The following ELP4 variants were observed in gnomAD, a reference collection of about 807,000 sequenced individuals.
The protein encoded by ELP4 is elongator complex protein 4.
In ELP4, 51 loss-of-function variants were observed where a neutral mutation model predicts 48.9. The observed-to-expected ratio is 1.04, with a 90% CI of 0.83 to 1.32. The LOEUF (loss-of-function observed/expected upper bound fraction) is 1.32. Ranked by LOEUF, ELP4 falls within the 40% of genes most tolerant of loss-of-function variation. The pLI is 0.00. For synonymous variants in ELP4, 210 were observed against 189.2 expected, an observed-to-expected ratio of 1.11 and a Z score of -0.90; for missense variants, 519 against 514.6, an observed-to-expected ratio of 1.01 and a Z score of -0.08.
At chr11:31,564,812 T>C (rs1391520331) in intron 3 of ELP4, among the ~76,000 whole-genome samples, 1 of 152,212 alleles carries the variant, frequency 6.6e-6, no homozygotes, top group Non-Finnish European at 1.5e-5. Context: ...AAGTCTTTGC[T>C]ATTGTGAATA....
At chr11:31,733,836 G>T (rs1250200433) in intron 9 of ELP4, among the ~76,000 whole-genome samples, 1 of 152,136 alleles carries the variant, frequency 6.6e-6, no homozygotes, top group African/African-American at 2.4e-5. Context: ...AAAAATTGAA[G>T]AGTAGGGAAC....
intron 9 of ELP4, among the ~76,000 whole-genome samples, chr11:31,703,271 A>T (rs1211234751): frequency 6.6e-6 from 1 of 152,132 alleles, no homozygotes; most frequent in Admixed American, 6.5e-5. Context: ...GGGGTGCAGC[A>T]TGCCAGTGTT....
At chr11:31,653,401 A>T (rs904947643) in intron 9 of ELP4, 1 of 151,738 alleles carries the variant, frequency 6.6e-6, no homozygotes, top group Non-Finnish European at 1.5e-5. Flanking sequence ...CTTGATCTTA[A>T]CCAGATCGAA....
At chr11:31,530,160 G>C (rs2133891884) in intron 2 of ELP4, among the ~76,000 whole-genome samples, 1 of 152,306 alleles carries the variant, frequency 6.6e-6, no homozygotes, top group African/African-American at 2.4e-5. Flanking sequence ...ACAAGCCTTA[G>C]TGGAAAATGT....
intron 9 of ELP4, among the ~76,000 whole-genome samples, chr11:31,698,223 A>C (rs1946450629): frequency 6.6e-6 from 1 of 152,210 alleles, no homozygotes; most frequent in South Asian, 2.1e-4. Flanking sequence ...GATAAATTTT[A>C]GTCATATAAG....
intron 8 of ELP4, chr11:31,649,258 C>A (rs1054194219): frequency 3.9e-4 from 59 of 151,726 alleles, no homozygotes; most frequent in African/African-American, 1.4e-3. Flanking sequence ...TCTCTTTGTT[C>A]AAATCTGTAA....
At chr11:31,783,017 A>G (rs1948414235) in intron 9 of ELP4, among the ~76,000 whole-genome samples, 1 of 152,222 alleles carries the variant, frequency 6.6e-6, no homozygotes, top group African/African-American at 2.4e-5. Flanking sequence ...AAAATAAAAC[A>G]AAGCCAAAAA....
At chr11:31,726,417 C>T (rs1947076555) in intron 9 of ELP4, among the ~76,000 whole-genome samples, 1 of 152,046 alleles carries the variant, frequency 6.6e-6, no homozygotes, top group African/African-American at 2.4e-5. Flanking sequence ...CAGGGGAACA[C>T]ATGAAAAGGG....
intron 3 of ELP4, among the ~76,000 whole-genome samples, chr11:31,571,771 G>T (rs1218203532): frequency 6.6e-6 from 1 of 152,168 alleles, no homozygotes; most frequent in Non-Finnish European, 1.5e-5. Context: ...GGGTGACCAG[G>T]TGCACTGTCA....
At chr11:31,566,984 A>C (rs895065127) in intron 3 of ELP4, among the ~76,000 whole-genome samples, 2 of 152,066 alleles carry the variant, frequency 1.3e-5, no homozygotes, top group Admixed American at 6.5e-5. Context: ...TTTTCACAAG[A>C]TACTGTTCTC....
At chr11:31,758,938 A>G (rs937955126) in intron 9 of ELP4, among the ~76,000 whole-genome samples, 20 of 152,142 alleles carry the variant, frequency 1.3e-4, no homozygotes, top group Non-Finnish European at 2.6e-4. Context: ...TTTTTAATAG[A>G]AAATTTTTAA....
chr11:31,694,604 C>T (rs1321947595), intron 9 of ELP4, among the ~76,000 whole-genome samples: 1 of 152,166 alleles, frequency 6.6e-6, no homozygotes. Flanking sequence ...CGATATGCCT[C>T]TGGCTTTGTT....
chr11:31,613,073 G>T (rs1191259272), intron 5 of ELP4, among the ~76,000 whole-genome samples: 2 of 152,084 alleles, frequency 1.3e-5, no homozygotes, highest in Non-Finnish European at 2.9e-5. Context: ...CTTTTATTAG[G>T]GTCTAAGGCT....
chr11:31,754,419 C>T (rs1947790829), intron 9 of ELP4, among the ~76,000 whole-genome samples: 1 of 152,114 alleles, frequency 6.6e-6, no homozygotes, highest in Non-Finnish European at 1.5e-5. Flanking sequence ...TGCTTGCCAA[C>T]CATGTTCTTA....
At position 31,644,799 on chromosome 11, in the gene ELP4, T is replaced by TTTTAAC. The variant is rs1945169182; in HGVS notation, c.928-2938_928-2933dup. 2.0e-5 allele frequency among the ~76,000 whole-genome samples: 3 copies of TTTTAAC among 151,892 alleles called. No individual in the cohort carries two copies. The East Asian group carries it at 5.8e-4, about 29-fold the overall frequency. Reference sequence around the variant, plus strand: ...GTGCAGAAGTAATCTATAACAATTTTTTTAACTTTTTAAAACACATACGTT... The same window carrying TTTTAAC: ...GTGCAGAAGTAATCTATAACAATTTTTTTAACTTTAACTTTTTAAAACACATACGTT... On this transcript the variant is annotated intron_variant, in intron 7 of 9. Transcript: ENST00000640961.
At chr11:31,780,733 A>G (rs1592306569) in intron 9 of ELP4, 1 of 152,246 alleles carries the variant, frequency 6.6e-6, no homozygotes, top group Non-Finnish European at 1.5e-5. Context: ...AGAGGCCAAG[A>G]AATGCTGAGC....
intron 9 of ELP4, chr11:31,763,677 A>T (rs1439697728): frequency 1.0e-6 from 1 of 1,003,188 alleles, no homozygotes; most frequent in Non-Finnish European, 1.4e-6. Context: ...CTTTTTACCA[A>T]AGATTAAACT....
At chr11:31,511,268 A>C (rs2133864689) in intron 1 of ELP4, 1 of 152,316 alleles carries the variant, frequency 6.6e-6, no homozygotes, top group African/African-American at 2.4e-5. Flanking sequence ...TGTGAGCCTC[A>C]GTTGATATCC....
chr11:31,624,181 C>A (rs772097108), intron 5 of ELP4, among the ~76,000 whole-genome samples: 6 of 151,754 alleles, frequency 4.0e-5, no homozygotes, highest in Non-Finnish European at 7.4e-5. Flanking sequence ...ACCACCATAT[C>A]CAACAACCCC....
Sources: allele counts gnomAD v4.1 joint callset (sites outside exome capture counted in the v4.1 genomes callset), GRCh38; gene constraint gnomAD v4.1.1; transcripts MANE v1.5; gene names NCBI Gene and HGNC (gene_info 2026-07-23, HGNC 2026-07-21).